Variants in SLC34A1 observed in about 807,000 individuals in gnomAD.
The protein encoded by SLC34A1 is sodium-dependent phosphate transport protein 2A.
A neutral mutation model predicts 51.4 loss-of-function variants in SLC34A1; 57 were observed. The ratio of observed to expected loss-of-function variants is 1.11; its 90% CI spans 0.90 to 1.38. The LOEUF (loss-of-function observed/expected upper bound fraction) is 1.38, where lower values mean the gene tolerates loss of function less well. SLC34A1 is among the 40% of genes most tolerant of loss of function. The pLI, the probability that SLC34A1 is intolerant of heterozygous loss-of-function variation, is 0.00. For synonymous variants in SLC34A1, 368 were observed against 358.0 expected (o/e 1.03, Z -0.32); for missense variants, 796 against 835.6 (o/e 0.95, Z 0.58).
chr5:177,397,618 C>T, intron 12 of SLC34A1, 165 bp from the exon 13 acceptor site: 2 of 827,186 alleles, frequency 2.4e-6, no homozygotes, highest in Non-Finnish European at 3.9e-6. Flanking sequence ...GCATAGCCAG[C>T]ATAGCCACCT....
At position 177,388,013 on chromosome 5, in the gene SLC34A1, G is replaced by A. The variant is rs1261946494; in HGVS notation, c.664G>A (p.Val222Met). The A allele has an allele frequency of 1.2e-6, 2 of 1,613,606 alleles. No individual in the cohort carries two copies. Among genetic ancestry groups the A allele is most frequent in the African/African-American group, 2.7e-5 (2 of 74,922 alleles). Reference protein sequence around the residue: ...DFRRAFAGATVHDCFNWLSVL... With the variant: ...DFRRAFAGATMHDCFNWLSVL... Reference sequence around the variant, plus strand: ...GCCCAGGGCCTTCGCGGGGGCCACGGTGCATGACTGCTTTAACTGGCTGTC... The same window carrying A: ...GCCCAGGGCCTTCGCGGGGGCCACGATGCATGACTGCTTTAACTGGCTGTC... Residue 222 changes from valine to methionine, a missense_variant, in exon 7 of 13, where the codon GTG (valine) becomes ATG (methionine). Transcript: ENST00000324417. This position sits in a 1 kb window ranked among gnomAD's most constrained non-coding sequence, Gnocchi z 4.3.
At chr5:177,397,474 T>C in intron 12 of SLC34A1, 1 of 527,498 alleles carries the variant, frequency 1.9e-6, no homozygotes, top group Non-Finnish European at 3.4e-6. Flanking sequence ...GTCCAGAAAC[T>C]GACATCAATC....
At chr5:177,389,068 G>A (rs2127349231) in intron 8 of SLC34A1, among the ~76,000 whole-genome samples, 1 of 152,286 alleles carries the variant, frequency 6.6e-6, no homozygotes, top group African/African-American at 2.4e-5. Context: ...GACTGCCACA[G>A]GCGGGAGTCC....
At chr5:177,393,873 TCAA>T (rs1400553447) in intron 9 of SLC34A1, 110 bp downstream of exon 9, 2 of 1,477,776 alleles carry the variant, frequency 1.4e-6, no homozygotes, top group Non-Finnish European at 9.4e-7. Context: ...AGCATGGCTG[TCAA>T]CTAGCCCAGC....
At position 177,396,915 on chromosome 5, in the gene SLC34A1, G is replaced by A. The variant is rs1376429737; in HGVS notation, c.1292-35G>A. 6.8e-6 allele frequency: 11 copies of A among 1,614,146 alleles called. No individual in the cohort carries two copies. Among genetic ancestry groups the A allele is most frequent in the East Asian group, 2.2e-5 (1 of 44,882 alleles). ...TGGCAGGGAAAGGGCCGAAGGAGACGCTGGGGGTCCCACTTCCTCTCCCTC... is the reference window on the plus strand; with the variant it reads ...TGGCAGGGAAAGGGCCGAAGGAGACACTGGGGGTCCCACTTCCTCTCCCTC... On this transcript the variant is annotated intron_variant, in intron 11 of 12. Transcript: ENST00000324417. The surrounding 1 kb of genome is among the most constrained non-coding windows in gnomAD (Gnocchi z 4.0).
Position 177,388,442 on chromosome 5 carries a change from A to G in SLC34A1, c.936+70A>G. On this transcript the variant is annotated intron_variant, in intron 8 of 12. Transcript: ENST00000324417. This position sits in a 1 kb window ranked among gnomAD's most constrained non-coding sequence, Gnocchi z 4.3. ...ACTCTTGGTTTCATTGTCTGTTCAA[A>G]ATGCTCCAGATAGACCTTGAAGATC... 1 of 1,305,756 alleles carries G rather than the reference A, an allele frequency of 7.7e-7. No homozygotes were observed. The highest frequency in any genetic ancestry group is 1.1e-6 in the Non-Finnish European group (1 of 904,042). The allele number at this position is 1,305,756 out of a possible 1,614,324, so 80.9% of individuals were successfully genotyped here. A position where few individuals can be genotyped will look rare whatever the true frequency, so the allele number is the denominator to read the frequency against.
chr5:177,391,232 C>T (rs932556687), intron 8 of SLC34A1, among the ~76,000 whole-genome samples: 4 of 152,220 alleles, frequency 2.6e-5, no homozygotes, highest in Non-Finnish European at 4.4e-5. Flanking sequence ...AGGGCCTGCT[C>T]CCTCCCGGCA....
chr5:177,386,759 C>T lies in SLC34A1; in HGVS notation c.532+193C>T, dbSNP rs1762590106. 6.6e-6 allele frequency among the ~76,000 whole-genome samples: 1 copy of T among 152,224 alleles called. No homozygotes were observed. Among genetic ancestry groups the T allele is most frequent in the East Asian group, 1.9e-4 (1 of 5,180 alleles). On this transcript the variant is annotated intron_variant, in intron 5 of 12. Coordinates refer to ENST00000324417, the MANE Select transcript of SLC34A1 (RefSeq NM_003052.5). This position sits in a 1 kb window ranked among gnomAD's most constrained non-coding sequence, Gnocchi z 4.8. ...TGATTTATGGCAAGGAACTGGCTTC[C>T]CCGATGGTAGTTTGTCTGGGCAAGT...
chr5:177,396,862 G>T lies in SLC34A1; in HGVS notation c.1291+13G>T, dbSNP rs371708728. ...ACCCCACTCATCGGTGAGTGCCCAT[G>T]TAGAGGTGGAGTGGGGTGGGCCAGG... On this transcript the variant is annotated intron_variant, in intron 11 of 12. Coordinates refer to ENST00000324417, the MANE Select transcript of SLC34A1 (RefSeq NM_003052.5). The surrounding 1 kb of genome is among the most constrained non-coding windows in gnomAD (Gnocchi z 4.0). The T allele has an allele frequency of 1.9e-6, 3 of 1,614,178 alleles. No individual in the cohort carries two copies. Among genetic ancestry groups the T allele is most frequent in the Admixed American group, 1.7e-5 (1 of 60,032 alleles).
Position 177,388,406 on chromosome 5 carries a change from TC to T in SLC34A1, c.936+37del. ...CAGGCCTAACCCCAGGTAAGAGGAC[TC>T]CCTCTTCAGACTCTTGGTTTCATTG... On this transcript the variant is annotated intron_variant, in intron 8 of 12. Coordinates refer to ENST00000324417, the MANE Select transcript of SLC34A1 (RefSeq NM_003052.5). The surrounding 1 kb of genome is among the most constrained non-coding windows in gnomAD (Gnocchi z 4.3). 2 of 1,512,896 alleles carry T rather than the reference TC, an allele frequency of 1.3e-6. No homozygotes were observed. Among genetic ancestry groups the T allele is most frequent in the Non-Finnish European group, 1.8e-6 (2 of 1,088,028 alleles). 93.7% of individuals were successfully genotyped at this position (1,512,896 alleles called of 1,614,324 possible).
In SLC34A1 at chr5:177,387,892, T is replaced by TGGGGGGGGGGGGGGGTG; in HGVS notation, c.644+24_644+25insGGGGGGGGGGTGGGGGG. ...TCCGGCGGTGAGGGGGGCTGGGGGTTGGGGGCTCGTGCCTGGGGGAGGACA... is the reference window on the plus strand; with the variant it reads ...TCCGGCGGTGAGGGGGGCTGGGGGTTGGGGGGGGGGGGGGGTGGGGGGCTCGTGCCTGGGGGAGGACA... On this transcript the variant is annotated intron_variant, in intron 6 of 12. Transcript: ENST00000324417. The TGGGGGGGGGGGGGGGTG allele has an allele frequency of 3.8e-6, 2 of 527,164 alleles. No individual in the cohort carries two copies. The highest frequency in any genetic ancestry group is 5.2e-6 in the Non-Finnish European group (2 of 383,564). The allele number at this position is 527,164 out of a possible 1,614,324, so 32.7% of individuals were successfully genotyped here. A position where few individuals can be genotyped will look rare whatever the true frequency, so the allele number is the denominator to read the frequency against.
chr5:177,398,437 G>A lies in SLC34A1; in HGVS notation c.*151G>A, dbSNP rs533078712. 1 of 902,282 alleles carries A rather than the reference G, an allele frequency of 1.1e-6. No homozygotes were observed. The highest frequency in any genetic ancestry group is 1.3e-5 in the South Asian group (1 of 74,710). The allele number at this position is 902,282 out of a possible 1,614,324, so 55.9% of individuals were successfully genotyped here. A position where few individuals can be genotyped will look rare whatever the true frequency, so the allele number is the denominator to read the frequency against. The stretch of plus-strand genomic sequence containing the variant: ...TCCGCAAAGCTCTGGGCTTGTGTGA[G>A]AGTGTCGGTGTGTGTGCATGTGTGG... On this transcript the variant is annotated 3_prime_UTR_variant, in exon 13 of 13. Coordinates refer to ENST00000324417, the MANE Select transcript of SLC34A1 (RefSeq NM_003052.5). The surrounding 1 kb of genome is among the most constrained non-coding windows in gnomAD (Gnocchi z 4.7).
In SLC34A1 at chr5:177,386,124, G is replaced by A; in HGVS notation, c.247G>A (p.Glu83Lys). The A allele has an allele frequency of 6.2e-7, 1 of 1,613,628 alleles. No individual in the cohort carries two copies. The highest frequency in any genetic ancestry group is 8.5e-7 in the Non-Finnish European group (1 of 1,179,772). ...PLPAKLALEE[E>K]QKPESRLVPK... Reference sequence around the variant, plus strand: ...GCCTGCCAAGCTGGCCCTGGAGGAGGAGCAGAAGCCAGGTGGGCCTGGGCT... The same window carrying A: ...GCCTGCCAAGCTGGCCCTGGAGGAGAAGCAGAAGCCAGGTGGGCCTGGGCT... Residue 83 changes from glutamate to lysine, a missense_variant, in exon 3 of 13, where the codon GAG becomes AAG. Glu to Lys is a moderately conservative substitution (Grantham distance 56). Coordinates refer to ENST00000324417, the MANE Select transcript of SLC34A1 (RefSeq NM_003052.5). The surrounding 1 kb of genome is among the most constrained non-coding windows in gnomAD (Gnocchi z 4.8).
At chr5:177,394,828 G>C (rs1185545812) in intron 10 of SLC34A1, among the ~76,000 whole-genome samples, 1 of 151,430 alleles carries the variant, frequency 6.6e-6, no homozygotes, top group Non-Finnish European at 1.5e-5. Flanking sequence ...CGAGTAGCTA[G>C]GATTACAGGT....
Position 177,396,457 on chromosome 5 carries a change from G to A in SLC34A1, c.1175-276G>A, listed in dbSNP as rs568844545. On this transcript the variant is annotated intron_variant, in intron 10 of 12. Coordinates refer to ENST00000324417, the MANE Select transcript of SLC34A1 (RefSeq NM_003052.5). The surrounding 1 kb of genome is among the most constrained non-coding windows in gnomAD (Gnocchi z 4.0). ...CCGCTCTCCCAGTGCCCCCGCGGAG[G>A]TCCGCTCTCCCAGTGCCCCCGCGGA... 1.3e-4 allele frequency among the ~76,000 whole-genome samples: 18 copies of A among 143,272 alleles called. No homozygotes were observed. Among genetic ancestry groups the A allele is most frequent in the East Asian group, 8.8e-4 (4 of 4,522 alleles). The allele number at this position is 143,272 out of a possible 152,430, so 94.0% of individuals were successfully genotyped here. A position where few individuals can be genotyped will look rare whatever the true frequency, so the allele number is the denominator to read the frequency against.
chr5:177,386,021 C>T lies in SLC34A1; in HGVS notation c.144C>T (p.Ala48=). The change falls in exon 3 of 13, where the codon GCC becomes GCT. Residue 48 remains alanine (A), a synonymous_variant. Coordinates refer to ENST00000324417, the MANE Select transcript of SLC34A1 (RefSeq NM_003052.5). This position sits in a 1 kb window ranked among gnomAD's most constrained non-coding sequence, Gnocchi z 4.8. ...LHRIPGTSAY[A]FPSLGPVALA... ...GGATCCCGGGGACCTCTGCCTATGC[C>T]TTCCCCAGCCTGGGCCCTGTGGCCC... 5 of 1,609,584 alleles carry T rather than the reference C, an allele frequency of 3.1e-6. No individual in the cohort carries two copies. Among genetic ancestry groups the T allele is most frequent in the Non-Finnish European group, 4.2e-6 (5 of 1,177,470 alleles).
In SLC34A1 at chr5:177,388,306, C is replaced by T. The variant is rs1561629342; in HGVS notation, c.870C>T (p.Ala290=). Residue 290 remains alanine, a synonymous_variant, in exon 8 of 13, where the codon GCC becomes GCT. Coordinates refer to ENST00000324417, the MANE Select transcript of SLC34A1 (RefSeq NM_003052.5). This position sits in a 1 kb window ranked among gnomAD's most constrained non-coding sequence, Gnocchi z 4.3. The stretch of plus-strand genomic sequence containing the variant: ...ACGAGTCTGTGATAACCAGCATTGC[C>T]ACTGGTGATGAGTCCCTGAGGAACC... ...QLDESVITSI[A]TGDESLRNHS... is the part of the protein sequence containing the mutation. 2 of 1,614,172 alleles carry T rather than the reference C, an allele frequency of 1.2e-6. No individual in the cohort carries two copies. Among genetic ancestry groups the T allele is most frequent in the Non-Finnish European group, 1.7e-6 (2 of 1,180,034 alleles).
At chr5:177,387,679 T>C (rs898867142) in intron 5 of SLC34A1, 83 bp from the exon 6 acceptor site, 3 of 1,161,072 alleles carry the variant, frequency 2.6e-6, no homozygotes, top group Non-Finnish European at 3.9e-6. Context: ...GACTGGGACG[T>C]GGGTGGGGGG....
At position 177,385,989 on chromosome 5, in the gene SLC34A1, C is replaced by G; in HGVS notation, c.112C>G (p.Leu38Val). ...TCCTGACCAGGCTCCCTCCCTAGTC[C>G]TACACAGGATCCCGGGGACCTCTGC... The part of the protein sequence containing the change: ...AFAYVPSPQV[L>V]HRIPGTSAYA... Residue 38 changes from leucine to valine, a missense_variant and splice_region_variant, in exon 3 of 13, where the codon CTA becomes GTA. Leu to Val is a conservative substitution (Grantham distance 32, BLOSUM62 1). Transcript: ENST00000324417. The G allele has an allele frequency of 6.2e-7, 1 of 1,610,880 alleles. No homozygotes were observed. The highest frequency in any genetic ancestry group is 8.5e-7 in the Non-Finnish European group (1 of 1,179,116).
Sources: gnomAD v4.1 joint callset for allele counts (sites outside exome capture counted in the v4.1 genomes callset) on GRCh38, gnomAD v4.1.1 for gene constraint, Gnocchi (gnomAD v3.1) non-coding constraint, MANE v1.5 for transcripts, NCBI Gene and HGNC (gene_info 2026-07-23, HGNC 2026-07-21) for gene names.